The following KMT5A variants were observed in gnomAD, a reference collection of about 807,000 sequenced individuals.
The protein encoded by KMT5A is lysine methyltransferase 5A, also known as N-lysine methyltransferase KMT5A.
In KMT5A, 6 loss-of-function variants were observed where a neutral mutation model predicts 40.6. The ratio of observed to expected loss-of-function variants is 0.15; its 90% CI spans 0.08 to 0.29. KMT5A has a LOEUF of 0.29. Ranked by LOEUF, KMT5A falls within the 10% of genes least tolerant of loss-of-function variation. KMT5A has a pLI of 1.00. For synonymous variants in KMT5A, 153 were observed against 178.8 expected, an observed-to-expected ratio of 0.86 and a Z score of 1.15; for missense variants, 308 against 459.1, an observed-to-expected ratio of 0.67 and a Z score of 3.01.
chr12:123,407,011 TC>T (rs1464764538), intron 7 of KMT5A, among the ~76,000 whole-genome samples: 1 of 39,146 alleles, frequency 2.6e-5, no homozygotes, highest in Non-Finnish European at 4.8e-5. Context: ...GCGACGAGAC[TC>T]CCTCTCAAAA....
chr12:123,386,454 T>C (rs1876878917), intron 1 of KMT5A, among the ~76,000 whole-genome samples: 2 of 152,064 alleles, frequency 1.3e-5, no homozygotes, highest in African/African-American at 4.8e-5. Context: ...GACCTCAGGT[T>C]ATCTGCCCAC....
intron 4 of KMT5A, 57 bp from the exon 5 acceptor site, chr12:123,396,288 T>C (rs1877717471): frequency 1.3e-6 from 2 of 1,540,554 alleles, no homozygotes; most frequent in African/African-American, 1.4e-5. Context: ...TAAGGAGCTG[T>C]GTGCCTCCAG....
At chr12:123,391,597 G>A (rs1366434564) in intron 3 of KMT5A, among the ~76,000 whole-genome samples, 2 of 152,198 alleles carry the variant, frequency 1.3e-5, no homozygotes, top group Non-Finnish European at 2.9e-5. Flanking sequence ...TGTTAAACCC[G>A]AAAATACAGG....
intron 7 of KMT5A, 115 bp from the exon 8 acceptor site, chr12:123,407,378 C>A: frequency 9.8e-7 from 1 of 1,021,658 alleles, no homozygotes; most frequent in Non-Finnish European, 1.4e-6. Flanking sequence ...TGAATCTTTT[C>A]AAAACACATG....
intron 7 of KMT5A, among the ~76,000 whole-genome samples, chr12:123,405,743 C>G (rs1878501878): frequency 1.3e-5 from 2 of 151,688 alleles, no homozygotes; most frequent in African/African-American, 2.4e-5. Flanking sequence ...CTGGTCTGAC[C>G]TCATATGGTC....
At chr12:123,394,104 CTTTT>C (rs397711320) in intron 3 of KMT5A, among the ~76,000 whole-genome samples, 1 of 125,070 alleles carries the variant, frequency 8.0e-6, no homozygotes. Context: ...ATTTTTTTTT[CTTTT>C]TTTTTTTTTT....
At chr12:123,405,170 CTTTTGG>C in intron 7 of KMT5A, 96 bp downstream of exon 7, 1 of 1,257,454 alleles carries the variant, frequency 8.0e-7, no homozygotes, top group Non-Finnish European at 1.1e-6. Flanking sequence ...GGTGGCCAGT[CTTTTGG>C]TTTTGTTGTT....
At chr12:123,385,155 T>C (rs1040004274) in intron 1 of KMT5A, among the ~76,000 whole-genome samples, 1 of 152,168 alleles carries the variant, frequency 6.6e-6, no homozygotes, top group Non-Finnish European at 1.5e-5. Flanking sequence ...AATAAAATAA[T>C]GATTCATTCA....
chr12:123,402,500 T>A (rs893675025), intron 5 of KMT5A, among the ~76,000 whole-genome samples: 6 of 152,278 alleles, frequency 3.9e-5, no homozygotes, highest in South Asian at 2.1e-4. Flanking sequence ...GCAGTTGGTG[T>A]CAGGCTCCTG....
At chr12:123,394,906 G>T in intron 3 of KMT5A, 141 bp from the exon 4 acceptor site, 1 of 730,184 alleles carries the variant, frequency 1.4e-6, no homozygotes, top group Non-Finnish European at 2.3e-6. Flanking sequence ...AGCGGACACG[G>T]GGCTTAACAG....
At chr12:123,385,803 G>T (rs986172105) in intron 1 of KMT5A, among the ~76,000 whole-genome samples, 5 of 152,078 alleles carry the variant, frequency 3.3e-5, no homozygotes, top group African/African-American at 1.2e-4. Context: ...AGTGAGCCGA[G>T]ATTACGTCAC....
At chr12:123,403,890 G>A (rs1878353762) in intron 6 of KMT5A, among the ~76,000 whole-genome samples, 1 of 152,228 alleles carries the variant, frequency 6.6e-6, no homozygotes, top group African/African-American at 2.4e-5. Flanking sequence ...AAACAATTCA[G>A]TGGCTTTTTG....
At chr12:123,392,779 C>G (rs1477420483) in intron 3 of KMT5A, among the ~76,000 whole-genome samples, 2 of 152,168 alleles carry the variant, frequency 1.3e-5, no homozygotes, top group Non-Finnish European at 2.9e-5. Context: ...TTCACGGGCA[C>G]CACACACTCC....
chr12:123,400,663 A>G (rs1754588015), intron 5 of KMT5A, among the ~76,000 whole-genome samples: 2 of 151,942 alleles, frequency 1.3e-5, no homozygotes, highest in Admixed American at 1.3e-4. Context: ...CTGGCCAATA[A>G]TTTTAATTTT....
At chr12:123,388,938 CG>C (rs1329545436) in intron 1 of KMT5A, 2 of 141,688 alleles carry the variant, frequency 1.4e-5, no homozygotes, top group African/African-American at 5.1e-5. Context: ...GGGCGCCGGA[CG>C]GTGGGCGGCT....
chr12:123,400,739 G>C (rs1188376008), intron 5 of KMT5A, among the ~76,000 whole-genome samples: 1 of 152,100 alleles, frequency 6.6e-6, no homozygotes, highest in Non-Finnish European at 1.5e-5. Context: ...TCTCACTTAA[G>C]TTACTCTGGT....
Position 123,407,598 on chromosome 12 carries a change from C to T in KMT5A, c.954C>T (p.Leu318=). 1.2e-6 allele frequency: 2 copies of T among 1,613,936 alleles called. No individual in the cohort carries two copies. The highest frequency in any genetic ancestry group is 8.5e-7 in the Non-Finnish European group (1 of 1,179,856). The change falls in exon 8 of 8, where the codon CTC becomes CTT. Residue 318 remains leucine (L), a synonymous_variant. Transcript: ENST00000402868. ...ACGACATCGACGGCGTACCTCACCT[C>T]ATCCTCATCGCCTCCCGAGACATCG... is the stretch of plus-strand genomic sequence containing the variant. ...KLHDIDGVPH[L]ILIASRDIAA...
At chr12:123,405,405 A>C (rs1026697623) in intron 7 of KMT5A, among the ~76,000 whole-genome samples, 1 of 151,624 alleles carries the variant, frequency 6.6e-6, no homozygotes, top group African/African-American at 2.4e-5. Flanking sequence ...TCCTGACCTC[A>C]GACGATCCAC....
chr12:123,407,653 G>A lies in KMT5A; in HGVS notation c.1009G>A (p.Gly337Arg). The change falls in exon 8 of 8, where the codon GGG becomes AGG. Residue 337 changes from glycine to arginine, a missense_variant. Around this residue, in one of 4 missense-constraint regions of KMT5A, gnomAD observed 77 missense variants for 220.0 expected, o/e 0.35. Transcript: ENST00000402868. ...AAGEELLYDY[G>R]DRSKASIEAH... is the part of the protein sequence containing the mutation. Reference sequence around the variant, plus strand: ...TGGGGAGGAGCTCCTGTATGACTATGGGGACCGCAGCAAGGCTTCCATTGA... The same window carrying A: ...TGGGGAGGAGCTCCTGTATGACTATAGGGACCGCAGCAAGGCTTCCATTGA... The A allele has an allele frequency of 6.2e-7, 1 of 1,613,770 alleles. No individual in the cohort carries two copies. Among genetic ancestry groups the A allele is most frequent in the Non-Finnish European group, 8.5e-7 (1 of 1,179,828 alleles).
Sources: allele counts gnomAD v4.1 joint callset (sites outside exome capture counted in the v4.1 genomes callset), GRCh38; gene constraint gnomAD v4.1.1; regional missense constraint gnomAD v4.1.1; transcripts MANE v1.5; gene names NCBI Gene and HGNC (gene_info 2026-07-23, HGNC 2026-07-21).